Variants in MGAT5 observed in about 807,000 individuals in gnomAD.
The protein encoded by MGAT5 is alpha-1,6-mannosylglycoprotein 6-beta-N-acetylglucosaminyltransferase.
A neutral mutation model predicts 94.3 loss-of-function variants in MGAT5; 30 were observed. The ratio of observed to expected loss-of-function variants is 0.32; its 90% CI spans 0.24 to 0.43. The LOEUF (loss-of-function observed/expected upper bound fraction) is 0.43. MGAT5 is among the 20% of genes least tolerant of loss of function. MGAT5 has a pLI of 1.00. For missense variants in MGAT5, 691 were observed against 905.5 expected (o/e 0.76, Z 3.04); for synonymous variants, 310 against 322.9 (o/e 0.96, Z 0.43).
In MGAT5 at chr2:134,202,030, A is replaced by G. The variant is rs141739110; in HGVS notation, c.-142-52232A>G. 9.3e-4 allele frequency among the ~76,000 whole-genome samples: 142 copies of G among 152,048 alleles called. 1 individual carries two copies. The highest frequency in any genetic ancestry group is 2.1e-3 in the South Asian group (10 of 4,818). On this transcript the variant is annotated intron_variant, in intron 1 of 16. Coordinates refer to the MGAT5 transcript ENST00000409645. Reference sequence around the variant, plus strand: ...ATGCAACTATTTTCATTATATTATTATTGAATACCCTTGAAACCACCCACC... The same window carrying G: ...ATGCAACTATTTTCATTATATTATTGTTGAATACCCTTGAAACCACCCACC...
chr2:134,191,379 G>T (rs1006836913), intron 1 of MGAT5, among the ~76,000 whole-genome samples: 1 of 152,246 alleles, frequency 6.6e-6, no homozygotes, highest in African/African-American at 2.4e-5. Context: ...CTGAATAGAT[G>T]AATGAGGTTA....
intron 15 of MGAT5, among the ~76,000 whole-genome samples, chr2:134,444,202 C>T (rs1403821517): frequency 6.6e-6 from 1 of 152,210 alleles, no homozygotes; most frequent in Non-Finnish European, 1.5e-5. Flanking sequence ...GAGCTTTGGG[C>T]AGTGGAGTAG....
intron 1 of MGAT5, among the ~76,000 whole-genome samples, chr2:134,201,845 A>C (rs1265196883): frequency 1.4e-5 from 1 of 73,596 alleles, no homozygotes; most frequent in African/African-American, 6.6e-5. Context: ...TTTTTTTTTA[A>C]TTGAGAGGAG....
At chr2:134,383,759 A>G (rs372220276) in intron 10 of MGAT5, among the ~76,000 whole-genome samples, 1 of 150,792 alleles carries the variant, frequency 6.6e-6, no homozygotes, top group Non-Finnish European at 1.5e-5. Context: ...GCTGGAGTGC[A>G]GTGGCACGAT....
At chr2:134,271,850 T>C (rs539163136) in intron 2 of MGAT5, among the ~76,000 whole-genome samples, 7 of 152,308 alleles carry the variant, frequency 4.6e-5, no homozygotes, top group Admixed American at 1.3e-4. Context: ...TAGCTGCTTT[T>C]TAATAACTGG....
At chr2:134,119,968 T>A (rs1388497512), upstream of MGAT5, 1 of 151,092 alleles carries the variant, frequency 6.6e-6, no homozygotes, top group East Asian at 2.0e-4. Flanking sequence ...GAGAAGTTGG[T>A]GAGGTTGGCT....
At chr2:134,442,476 T>C (rs916812867) in intron 15 of MGAT5, among the ~76,000 whole-genome samples, 1 of 152,190 alleles carries the variant, frequency 6.6e-6, no homozygotes, top group East Asian at 1.9e-4. Context: ...CACTTTCTTC[T>C]AGCTCACTGA....
At chr2:134,416,763 TA>T (rs1181905379) in intron 12 of MGAT5, among the ~76,000 whole-genome samples, 3 of 104,732 alleles carry the variant, frequency 2.9e-5, no homozygotes, top group East Asian at 3.1e-4. Context: ...CCCAGCTAAT[TA>T]ATTTTTTTTT....
intron 1 of MGAT5, among the ~76,000 whole-genome samples, 167 bp downstream of exon 1, chr2:134,254,811 A>AT (rs3833551): frequency 0.013 from 1,973 of 152,240 alleles, 20 homozygotes; most frequent in East Asian, 0.029. Flanking sequence ...AAGCAATGCC[A>AT]TTTTGGGGGT....
rs138503399 is a variant in MGAT5, at chr2:134,311,401, A to G, written c.407-6128A>G. Among the ~76,000 whole-genome samples the G allele has an allele frequency of 2.2e-3, 342 of 152,320 alleles. 3 individuals carry two copies. The highest frequency in any genetic ancestry group is 7.7e-3 in the African/African-American group (322 of 41,562). ...GTTAAAAACAAGTGTCATCTCAAAC[A>G]ACACCTGTCATCTTTGCTATATAGA... On this transcript the variant is annotated intron_variant, in intron 2 of 15. Coordinates refer to ENST00000281923, the MANE Select transcript of MGAT5 (RefSeq NM_002410.5).
At chr2:134,438,820 A>G (rs1442201847) in intron 14 of MGAT5, among the ~76,000 whole-genome samples, 1 of 152,076 alleles carries the variant, frequency 6.6e-6, no homozygotes, top group East Asian at 1.9e-4. Flanking sequence ...ACTGTGCATC[A>G]TTTTCAGAAG....
At chr2:134,298,036 A>G (rs552594091) in intron 2 of MGAT5, among the ~76,000 whole-genome samples, 1 of 152,246 alleles carries the variant, frequency 6.6e-6, no homozygotes, top group African/African-American at 2.4e-5. Context: ...TAGAGTATGA[A>G]CGTGTATTTC....
At chr2:134,158,664 G>C (rs1436909063) in intron 1 of MGAT5, among the ~76,000 whole-genome samples, 2 of 152,110 alleles carry the variant, frequency 1.3e-5, no homozygotes, top group Admixed American at 1.3e-4. Context: ...AATTCGGAAG[G>C]GGGAGGGGCT....
chr2:134,135,649 G>A (rs373712835), intron 1 of MGAT5, among the ~76,000 whole-genome samples: 50 of 131,876 alleles, frequency 3.8e-4, no homozygotes, highest in African/African-American at 1.4e-3. Flanking sequence ...CCGAGATCGC[G>A]CCACTGCACT....
chr2:134,381,472 GGTAGGT>G (rs1558842148), intron 10 of MGAT5, among the ~76,000 whole-genome samples: 4 of 150,916 alleles, frequency 2.7e-5, no homozygotes, highest in Non-Finnish European at 4.4e-5. Context: ...TAGGTAGGTA[GGTAGGT>G]AGAGAAATAG....
chr2:134,255,296 T>A (rs989319609), intron 1 of MGAT5, among the ~76,000 whole-genome samples: 29 of 152,158 alleles, frequency 1.9e-4, no homozygotes, highest in African/African-American at 6.7e-4. Flanking sequence ...AATACACATA[T>A]GGGATGTAAC....
In MGAT5 at chr2:134,231,776, G is replaced by A. The variant is rs1330452860; in HGVS notation, c.-142-22486G>A. Among the ~76,000 whole-genome samples the A allele has an allele frequency of 2.0e-5, 3 of 152,176 alleles. No homozygotes were observed. In the East Asian group the frequency reaches 5.8e-4, roughly 29 times the overall value. On this transcript the variant is annotated intron_variant, in intron 1 of 16. Coordinates refer to the MGAT5 transcript ENST00000409645. ...AAGATCACTGGGTTTGTGGCTGGCTGTGAAAATGATCAGACCAGGGCGGGG... is the reference window on the plus strand; with the variant it reads ...AAGATCACTGGGTTTGTGGCTGGCTATGAAAATGATCAGACCAGGGCGGGG...
At chr2:134,135,670 A>T (rs889770726) in intron 1 of MGAT5, among the ~76,000 whole-genome samples, 1 of 147,384 alleles carries the variant, frequency 6.8e-6, no homozygotes, top group African/African-American at 2.5e-5. Flanking sequence ...CTAGCCTGGC[A>T]ACAGAGTGAG....
chr2:134,315,993 A>G (rs1686975862), intron 2 of MGAT5, among the ~76,000 whole-genome samples: 1 of 152,174 alleles, frequency 6.6e-6, no homozygotes, highest in African/African-American at 2.4e-5. Context: ...CTGAGTTATC[A>G]TTTCAATACC....
Sources: allele counts gnomAD v4.1 joint callset (sites outside exome capture counted in the v4.1 genomes callset), GRCh38; gene constraint gnomAD v4.1.1; transcripts MANE v1.5; gene names NCBI Gene and HGNC (gene_info 2026-07-23, HGNC 2026-07-21).